Variants in NCKAP5 observed in about 807,000 individuals in gnomAD.
NCKAP5 encodes the protein nck-associated protein 5.
NCKAP5 carries 92 observed loss-of-function variants against 167.0 expected under a neutral mutation model. The observed-to-expected ratio is 0.55, with a 90% CI of 0.47 to 0.66. The LOEUF (loss-of-function observed/expected upper bound fraction) is 0.66. Ranked by LOEUF, NCKAP5 falls within the 30% of genes least tolerant of loss-of-function variation. The pLI, the probability that NCKAP5 is intolerant of heterozygous loss-of-function variation, is 0.00. For missense variants in NCKAP5, 2,378 were observed against 2,315.0 expected (o/e 1.03, Z -0.56); for synonymous variants, 891 against 877.4 (o/e 1.02, Z -0.27).
intron 3 of NCKAP5, among the ~76,000 whole-genome samples, chr2:133,374,498 C>T (rs891024205): frequency 6.6e-6 from 1 of 152,054 alleles, no homozygotes; most frequent in Non-Finnish European, 1.5e-5. Context: ...CATGATGTGT[C>T]AATGTTGGTT....
At chr2:133,366,493 G>C (rs1685465573) in intron 3 of NCKAP5, among the ~76,000 whole-genome samples, 1 of 151,968 alleles carries the variant, frequency 6.6e-6, no homozygotes, top group Non-Finnish European at 1.5e-5. Flanking sequence ...AGTAGAGATG[G>C]GGCTTCACCA....
At chr2:132,936,507 G>A (rs939298888) in intron 8 of NCKAP5, among the ~76,000 whole-genome samples, 1 of 152,168 alleles carries the variant, frequency 6.6e-6, no homozygotes, top group Non-Finnish European at 1.5e-5. Context: ...GGCTGCACAA[G>A]GGGGTGGGTT....
At chr2:132,729,015 GA>G in intron 17 of NCKAP5, 63 bp from the exon 18 acceptor site, 1 of 1,594,960 alleles carries the variant, frequency 6.3e-7, no homozygotes, top group Admixed American at 1.7e-5. Flanking sequence ...CAAGTTTAGG[GA>G]AGGAGGTGGG....
chr2:133,082,302 G>A (rs1283885381), intron 6 of NCKAP5, among the ~76,000 whole-genome samples: 2 of 152,142 alleles, frequency 1.3e-5, no homozygotes, highest in African/African-American at 2.4e-5. Flanking sequence ...GTTAAAGACT[G>A]CATCATCGGT....
At chr2:133,033,274 T>C (rs2078938322) in intron 6 of NCKAP5, among the ~76,000 whole-genome samples, 1 of 152,342 alleles carries the variant, frequency 6.6e-6, no homozygotes. Context: ...GGTACCTCTA[T>C]GAGTCTGCAA....
the NCKAP5 span, among the ~76,000 whole-genome samples, chr2:133,573,806 T>G: frequency 1.3e-5 from 2 of 152,322 alleles, no homozygotes; most frequent in South Asian, 4.1e-4. Context: ...GCCGTAATCT[T>G]CTCCTGACTT....
In NCKAP5 at chr2:132,782,849, C is replaced by A. The variant is rs939788217; in HGVS notation, c.3962G>T (p.Ser1321Ile). 4 of 1,613,922 alleles carry A rather than the reference C, an allele frequency of 2.5e-6. No homozygotes were observed. Among genetic ancestry groups the A allele is most frequent in the Non-Finnish European group, 3.4e-6 (4 of 1,179,872 alleles). Residue 1321 changes from serine (S) to isoleucine (I), a missense_variant, in exon 14 of 20, where the codon AGC (serine) becomes ATC (isoleucine). By Grantham distance (142) the Ser-to-Ile change is moderately radical (BLOSUM62 -2). Coordinates refer to ENST00000409261, the MANE Select transcript of NCKAP5 (RefSeq NM_207363.3). ...AGCAGAAGGGGCCTTGTTGGGAGAG[C>A]TTTCCGTGGAAGAGTTCTGCCGGGT... ...SLTRQNSSTESSPNKAPSAPM... is the reference protein window; with the variant it reads ...SLTRQNSSTEISPNKAPSAPM...
chr2:133,415,053 G>T (rs1689020049), intron 3 of NCKAP5, among the ~76,000 whole-genome samples: 2 of 152,164 alleles, frequency 1.3e-5, no homozygotes, highest in African/African-American at 4.8e-5. Context: ...TAAATACACA[G>T]GCCAAGCGGC....
At chr2:133,643,596 C>A in the NCKAP5 span, among the ~76,000 whole-genome samples, 1 of 152,154 alleles carries the variant, frequency 6.6e-6, no homozygotes, top group East Asian at 1.9e-4. Context: ...CATATTTAAT[C>A]TAAATTAGTC....
chr2:133,234,988 C>T lies in NCKAP5; in HGVS notation c.144-21209G>A, dbSNP rs78659649. Among the ~76,000 whole-genome samples, 788 of 147,696 alleles carry T rather than the reference C, an allele frequency of 5.3e-3. 8 individuals carry two copies. The highest frequency in any genetic ancestry group is 0.019 in the African/African-American group (749 of 40,430). On this transcript the variant is annotated intron_variant, in intron 4 of 19. Transcript: ENST00000409261. Reference sequence around the variant, plus strand: ...AGTTAACAACCAGGGTCATAAGTCTCGACTGAGGGACCCCATCCAACTCAG... The same window carrying T: ...AGTTAACAACCAGGGTCATAAGTCTTGACTGAGGGACCCCATCCAACTCAG...
intron 5 of NCKAP5, among the ~76,000 whole-genome samples, chr2:133,195,706 A>G (rs751244437): frequency 2.0e-4 from 30 of 152,056 alleles, no homozygotes; most frequent in Non-Finnish European, 4.4e-5. Context: ...TAATAATCAG[A>G]AAAAAAATTG....
chr2:133,244,735 T>C (rs11903555), intron 4 of NCKAP5, among the ~76,000 whole-genome samples: 8,630 of 152,204 alleles, frequency 0.057, 751 homozygotes, highest in African/African-American at 0.2. Context: ...TCTCACTATA[T>C]GATTATGGGT....
intron 3 of NCKAP5, among the ~76,000 whole-genome samples, chr2:133,309,021 A>G (rs1574663263): frequency 6.6e-6 from 1 of 152,166 alleles, no homozygotes; most frequent in African/African-American, 2.4e-5. Context: ...AAGAAATACA[A>G]TTCTTAAACT....
At chr2:133,260,570 C>A (rs984593234) in intron 4 of NCKAP5, among the ~76,000 whole-genome samples, 2 of 152,160 alleles carry the variant, frequency 1.3e-5, no homozygotes, top group African/African-American at 4.8e-5. Flanking sequence ...AGGACTCCTA[C>A]AATAAAAGTA....
At chr2:133,186,838 A>T (rs1395536841) in intron 5 of NCKAP5, among the ~76,000 whole-genome samples, 1 of 151,982 alleles carries the variant, frequency 6.6e-6, no homozygotes, top group Non-Finnish European at 1.5e-5. Flanking sequence ...TGGACAATAT[A>T]ATTTTTCTTC....
intron 3 of NCKAP5, among the ~76,000 whole-genome samples, chr2:133,474,821 T>A (rs1040214158): frequency 1.3e-5 from 2 of 152,064 alleles, no homozygotes; most frequent in African/African-American, 4.8e-5. Flanking sequence ...GTTGTTGTTG[T>A]TGTTTTTGAG....
At chr2:133,299,455 G>A (rs948826946) in intron 4 of NCKAP5, among the ~76,000 whole-genome samples, 35 of 152,148 alleles carry the variant, frequency 2.3e-4, no homozygotes, top group African/African-American at 7.5e-4. Flanking sequence ...GAGATGAAAA[G>A]AAATAAAGGG....
At chr2:132,687,959 G>A (rs144903784) in intron 19 of NCKAP5, among the ~76,000 whole-genome samples, 90 of 152,300 alleles carry the variant, frequency 5.9e-4, no homozygotes, top group Non-Finnish European at 1.0e-3. Context: ...TGTGATTAGC[G>A]ATTAGCGCTG....
rs969671177 is a variant in NCKAP5, at chr2:133,144,859, G to A, written c.208-14748C>T. On this transcript the variant is annotated intron_variant, in intron 5 of 19. Transcript: ENST00000409261. The stretch of plus-strand genomic sequence containing the variant: ...AGAGGCTCTGCAGTCACTCGCTGCC[G>A]TGTTAGTGTTGTTAGAGATTATACA... 3.9e-5 allele frequency among the ~76,000 whole-genome samples: 6 copies of A among 152,116 alleles called. No homozygotes were observed. The East Asian group carries it at 1.2e-3, about 29-fold the overall frequency.
Sources: gnomAD v4.1 joint callset for allele counts (sites outside exome capture counted in the v4.1 genomes callset) on GRCh38, gnomAD v4.1.1 for gene constraint, MANE v1.5 for transcripts, NCBI Gene and HGNC (gene_info 2026-07-23, HGNC 2026-07-21) for gene names.